Variants in NKAIN2 observed in about 807,000 individuals in gnomAD.
The protein encoded by NKAIN2 is sodium/potassium-transporting ATPase subunit beta-1-interacting protein 2.
Under a neutral mutation model 32.6 loss-of-function variants are expected in NKAIN2, and 14 were observed. That is an observed-to-expected ratio of 0.43 (90% CI 0.28 to 0.67). The LOEUF is 0.67. Among genes scored for constraint, NKAIN2 ranks in the 30% least tolerant of loss-of-function variants. The pLI is 0.17. For missense variants in NKAIN2, 198 were observed against 258.3 expected (o/e 0.77, Z 1.60); for synonymous variants, 80 against 87.2 (o/e 0.92, Z 0.46).
intron 3 of NKAIN2, among the ~76,000 whole-genome samples, chr6:124,368,275 T>C (rs114231744): frequency 0.013 from 1,952 of 152,268 alleles, 43 homozygotes; most frequent in African/African-American, 0.044. Context: ...CTCTTGTGGT[T>C]AAAACAATTT....
chr6:123,919,245 G>A (rs1182631792), intron 1 of NKAIN2, among the ~76,000 whole-genome samples: 1 of 151,958 alleles, frequency 6.6e-6, no homozygotes, highest in Non-Finnish European at 1.5e-5. Context: ...CTTCTACAGG[G>A]CAGGATGTGA....
chr6:123,853,624 AAGGAGGAGAATATTCAGGAGG>A (rs1045618314), intron 1 of NKAIN2, among the ~76,000 whole-genome samples: 3 of 152,192 alleles, frequency 2.0e-5, no homozygotes, highest in Non-Finnish European at 4.4e-5. Context: ...TAATGACAAA[AAGGAGGAGAATATTCAGGAGG>A]AATATTCAGG....
intron 1 of NKAIN2, among the ~76,000 whole-genome samples, chr6:123,901,646 G>T (rs1038496002): frequency 6.6e-6 from 1 of 152,036 alleles, no homozygotes; most frequent in Non-Finnish European, 1.5e-5. Flanking sequence ...TCATTTTTCT[G>T]CAAAGAAAGT....
At chr6:124,474,561 C>A (rs73580524) in intron 3 of NKAIN2, among the ~76,000 whole-genome samples, 4 of 152,132 alleles carry the variant, frequency 2.6e-5, no homozygotes, top group Non-Finnish European at 5.9e-5. Context: ...CCTTTACATA[C>A]GCATACATAC....
intron 1 of NKAIN2, among the ~76,000 whole-genome samples, chr6:124,044,167 A>G (rs1262859058): frequency 6.6e-6 from 1 of 152,008 alleles, no homozygotes; most frequent in Non-Finnish European, 1.5e-5. Context: ...GGACTTCTCC[A>G]CTCACCATTA....
At chr6:124,417,291 T>A (rs1774534115) in intron 3 of NKAIN2, among the ~76,000 whole-genome samples, 1 of 151,830 alleles carries the variant, frequency 6.6e-6, no homozygotes, top group Non-Finnish European at 1.5e-5. Flanking sequence ...ATATAGAGAA[T>A]CAAATGGAAA....
At chr6:124,206,378 A>C (rs1383931590) in intron 1 of NKAIN2, among the ~76,000 whole-genome samples, 3 of 151,908 alleles carry the variant, frequency 2.0e-5, no homozygotes, top group Non-Finnish European at 4.4e-5. Context: ...TACTTGCTTA[A>C]GGGAACACAG....
chr6:124,470,382 A>G lies in NKAIN2; in HGVS notation c.273+115035A>G, dbSNP rs191848868. Among the ~76,000 whole-genome samples the G allele has an allele frequency of 2.1e-3, 321 of 152,198 alleles. 1 individual carries two copies. Among genetic ancestry groups the G allele is most frequent in the Non-Finnish European group, 2.4e-3 (164 of 68,018 alleles). ...CTCTGCCTTTTGAAAGGAACAGTGG[A>G]GCAGCAGTGTGGAGGAATGATGGGA... On this transcript the variant is annotated intron_variant, in intron 3 of 6. Coordinates refer to ENST00000368417, the MANE Select transcript of NKAIN2 (RefSeq NM_001040214.3).
intron 1 of NKAIN2, among the ~76,000 whole-genome samples, chr6:123,855,180 A>G (rs1336410786): frequency 6.6e-6 from 1 of 152,232 alleles, no homozygotes; most frequent in Non-Finnish European, 1.5e-5. Context: ...TGGGTTTTAA[A>G]TTTATCGCAT....
At chr6:123,971,407 G>A (rs1453707395) in intron 1 of NKAIN2, among the ~76,000 whole-genome samples, 1 of 151,936 alleles carries the variant, frequency 6.6e-6, no homozygotes, top group African/African-American at 2.4e-5. Flanking sequence ...TGTGCTTCAA[G>A]GGGTTTTGTT....
At chr6:123,945,356 A>G (rs1777016298) in intron 1 of NKAIN2, among the ~76,000 whole-genome samples, 1 of 152,124 alleles carries the variant, frequency 6.6e-6, no homozygotes, top group African/African-American at 2.4e-5. Flanking sequence ...TTTAATATGA[A>G]CACTGCTTTC....
At chr6:124,514,086 C>T (rs1028945240) in intron 3 of NKAIN2, among the ~76,000 whole-genome samples, 2 of 152,068 alleles carry the variant, frequency 1.3e-5, no homozygotes, top group South Asian at 4.1e-4. Flanking sequence ...ACTAAATTTC[C>T]CTCTAGCAAT....
intron 1 of NKAIN2, among the ~76,000 whole-genome samples, chr6:123,814,551 G>T (rs898154886): frequency 6.6e-6 from 1 of 152,156 alleles, no homozygotes; most frequent in African/African-American, 2.4e-5. Flanking sequence ...TAGACCTGTG[G>T]TTTTCACTTT....
At chr6:124,783,472 G>C (rs967214252) in intron 4 of NKAIN2, among the ~76,000 whole-genome samples, 7 of 152,176 alleles carry the variant, frequency 4.6e-5, no homozygotes, top group African/African-American at 1.7e-4. Context: ...ATATGTTTCT[G>C]ATCCTCTGAA....
intron 1 of NKAIN2, among the ~76,000 whole-genome samples, chr6:123,902,544 C>G (rs576794514): frequency 6.6e-6 from 1 of 152,176 alleles, no homozygotes; most frequent in African/African-American, 2.4e-5. Context: ...TATTGAAACA[C>G]CATTTCCAGT....
rs59917416 is a variant in NKAIN2 at position 124,329,582 on chromosome 6, C to T, written c.193-25685C>T. 6.6e-3 allele frequency among the ~76,000 whole-genome samples: 1,002 copies of T among 151,266 alleles called. 12 individuals are homozygous for T. The highest frequency in any genetic ancestry group is 0.022 in the African/African-American group (888 of 41,156). ...TGATGAGCAGAACTACTCCTGGGTC[C>T]ACTGCTCCACCCCTGGATCCACACA... On this transcript the variant is annotated intron_variant, in intron 2 of 6. Transcript: ENST00000368417.
chr6:124,656,023 G>C (rs565270585), intron 3 of NKAIN2, among the ~76,000 whole-genome samples: 4 of 152,078 alleles, frequency 2.6e-5, no homozygotes, highest in Non-Finnish European at 4.4e-5. Context: ...GTCTCTTGTT[G>C]GTTGCCCTTT....
intron 3 of NKAIN2, among the ~76,000 whole-genome samples, chr6:124,540,736 A>G (rs1779881784): frequency 6.6e-6 from 1 of 152,248 alleles, no homozygotes; most frequent in Non-Finnish European, 1.5e-5. Flanking sequence ...CTGTACTTCA[A>G]GTACTCATAC....
chr6:124,444,629 T>C (rs1775817209), intron 3 of NKAIN2, among the ~76,000 whole-genome samples: 1 of 152,064 alleles, frequency 6.6e-6, no homozygotes, highest in African/African-American at 2.4e-5. Context: ...TAGTATTAAA[T>C]ATATTCTTGA....
Sources: allele counts gnomAD v4.1 joint callset (sites outside exome capture counted in the v4.1 genomes callset), GRCh38; gene constraint gnomAD v4.1.1; transcripts MANE v1.5; gene names NCBI Gene and HGNC (gene_info 2026-07-23, HGNC 2026-07-21).